GLCCI1: variants seen among roughly 807,000 people sequenced by gnomAD.
The protein encoded by GLCCI1 is glucocorticoid-induced transcript 1 protein.
A neutral mutation model predicts 52.2 loss-of-function variants in GLCCI1; 24 were observed. That is an observed-to-expected ratio of 0.46 (90% CI 0.33 to 0.65). The LOEUF is 0.65. Ranked by LOEUF, GLCCI1 falls within the 30% of genes least tolerant of loss-of-function variation. The probability of loss-of-function intolerance (pLI) is 0.02; values close to 1 mark genes in which losing one functional copy is unlikely to be tolerated. For synonymous variants in GLCCI1, 310 were observed against 276.5 expected (o/e 1.12, Z -1.20); for missense variants, 704 against 701.5 (o/e 1.00, Z -0.04).
chr7:7,990,632 T>A (rs1780821403), intron 1 of GLCCI1, among the ~76,000 whole-genome samples: 1 of 152,050 alleles, frequency 6.6e-6, no homozygotes, highest in African/African-American at 2.4e-5. Flanking sequence ...CTGTGTTGTG[T>A]TTTACTCGTG....
intron 1 of GLCCI1, among the ~76,000 whole-genome samples, chr7:7,986,481 C>G (rs1001673582): frequency 6.6e-6 from 1 of 151,826 alleles, no homozygotes; most frequent in Non-Finnish European, 1.5e-5. Flanking sequence ...GCCGAGATCA[C>G]ACCACTGCAC....
rs116842221 is a variant in GLCCI1 at position 8,059,206 on chromosome 7, A to G, written c.814-890A>G. On this transcript the variant is annotated intron_variant, in intron 4 of 7. Transcript: ENST00000223145. The stretch of plus-strand genomic sequence containing the variant: ...AAAAATACTGATAGTAATATATGAA[A>G]AAGAGTTAAAACCTCAATATGAGAA... Among the ~76,000 whole-genome samples, 169 of 152,314 alleles carry G rather than the reference A, an allele frequency of 1.1e-3. 3 individuals are homozygous for G. The East Asian group carries it at 0.031, about 28-fold the overall frequency.
chr7:8,082,959 CGTGATAA>C (rs1783028386), intron 6 of GLCCI1, among the ~76,000 whole-genome samples: 1 of 152,062 alleles, frequency 6.6e-6, no homozygotes, highest in South Asian at 2.1e-4. Context: ...ACTTTTCTTA[CGTGATAA>C]TAGAGTGGAT....
At chr7:8,027,685 A>C (rs1781651891) in intron 3 of GLCCI1, among the ~76,000 whole-genome samples, 2 of 144,766 alleles carry the variant, frequency 1.4e-5, no homozygotes, top group Non-Finnish European at 1.5e-5. Flanking sequence ...TGAATGGATG[A>C]AAAAAAAAAA....
At chr7:8,021,913 T>C (rs1781499354) in intron 2 of GLCCI1, among the ~76,000 whole-genome samples, 1 of 152,228 alleles carries the variant, frequency 6.6e-6, no homozygotes, top group African/African-American at 2.4e-5. Context: ...TCTGTTTATT[T>C]AGCTTATATT....
At chr7:7,991,979 G>C (rs1000820208) in intron 1 of GLCCI1, among the ~76,000 whole-genome samples, 11 of 151,788 alleles carry the variant, frequency 7.2e-5, no homozygotes, top group African/African-American at 2.7e-4. Context: ...GGTTACTTAG[G>C]GAGAAAACTT....
intron 6 of GLCCI1, among the ~76,000 whole-genome samples, chr7:8,079,292 TA>T (rs369658192): frequency 6.6e-6 from 1 of 151,802 alleles, no homozygotes. Flanking sequence ...TTTGTTTTTT[TA>T]AAAACTGATG....
At chr7:8,053,160 C>T (rs1782298349) in intron 3 of GLCCI1, among the ~76,000 whole-genome samples, 1 of 151,696 alleles carries the variant, frequency 6.6e-6, no homozygotes, top group Non-Finnish European at 1.5e-5. Flanking sequence ...AGGCCAGTTT[C>T]TGTTTTTTCT....
rs1005680862 is a variant in GLCCI1 at position 8,087,713 on chromosome 7, A to G, written c.*1175A>G. The G allele has an allele frequency of 4.0e-5, 6 of 150,546 alleles. No homozygotes were observed. The highest frequency in any genetic ancestry group is 1.5e-4 in the African/African-American group (6 of 40,638). The allele number at this position is 150,546 out of a possible 1,614,324, so 9.3% of individuals were successfully genotyped here. A position where few individuals can be genotyped will look rare whatever the true frequency, so the allele number is the denominator to read the frequency against. ...CATTTACATAGAATACTTGGGTCTC[A>G]GAATTGATGCAACATAAGCAGGTTT... On this transcript the variant is annotated 3_prime_UTR_variant, in exon 8 of 8. Coordinates refer to ENST00000223145, the MANE Select transcript of GLCCI1 (RefSeq NM_138426.4).
At chr7:8,051,059 A>T (rs1286244170) in intron 3 of GLCCI1, among the ~76,000 whole-genome samples, 1 of 152,208 alleles carries the variant, frequency 6.6e-6, no homozygotes, top group Non-Finnish European at 1.5e-5. Flanking sequence ...AATTACTCTT[A>T]ATAATTGCTG....
At chr7:8,043,480 T>C (rs1357186276) in intron 3 of GLCCI1, among the ~76,000 whole-genome samples, 1 of 152,170 alleles carries the variant, frequency 6.6e-6, no homozygotes, top group Non-Finnish European at 1.5e-5. Context: ...TGAGTAAGAC[T>C]ACATGTTATA....
At chr7:8,031,651 A>G (rs1257753020) in intron 3 of GLCCI1, among the ~76,000 whole-genome samples, 1 of 152,128 alleles carries the variant, frequency 6.6e-6, no homozygotes, top group Non-Finnish European at 1.5e-5. Context: ...AAAATATCTC[A>G]TGTGTCCCAT....
In GLCCI1 at chr7:8,084,917, T is replaced by C. The variant is rs200054018; in HGVS notation, c.1198T>C (p.Leu400=). Reference sequence around the variant, plus strand: ...TACAGACAGTGGGAGTAGCTCACCGTTACCCAAGTATGCTTCATCTCCCAA... The same window carrying C: ...TACAGACAGTGGGAGTAGCTCACCGCTACCCAAGTATGCTTCATCTCCCAA... ...RDKDSGSSSP[L]PKYASSPKPN... The change falls in exon 7 of 8, where the codon TTA becomes CTA. Residue 400 remains leucine, a synonymous_variant. Transcript: ENST00000223145. 1.2e-6 allele frequency: 2 copies of C among 1,614,112 alleles called. No individual in the cohort carries two copies. The highest frequency in any genetic ancestry group is 2.2e-5 in the East Asian group (1 of 44,878).
At chr7:8,054,114 A>G (rs766822555) in intron 3 of GLCCI1, among the ~76,000 whole-genome samples, 2 of 152,170 alleles carry the variant, frequency 1.3e-5, no homozygotes, top group African/African-American at 2.4e-5. Flanking sequence ...GCTCTTTCAT[A>G]TAAGCTCTTT....
intron 2 of GLCCI1, among the ~76,000 whole-genome samples, chr7:8,004,853 G>T (rs2041362): frequency 0.13 from 20,317 of 152,168 alleles, 1,516 homozygotes; most frequent in Admixed American, 0.19. Context: ...GGCTTTGTAG[G>T]TTAGGGAAAT....
At chr7:7,975,419 T>C (rs1780443374) in intron 1 of GLCCI1, among the ~76,000 whole-genome samples, 1 of 152,156 alleles carries the variant, frequency 6.6e-6, no homozygotes, top group Non-Finnish European at 1.5e-5. Flanking sequence ...AAACATATAT[T>C]TGTGTGCTAA....
At chr7:8,070,679 A>C (rs1050077589) in intron 5 of GLCCI1, 1 of 400,946 alleles carries the variant, frequency 2.5e-6, no homozygotes, top group East Asian at 4.9e-5. Flanking sequence ...GTGCTGACCT[A>C]CAGGTACATA....
intron 3 of GLCCI1, among the ~76,000 whole-genome samples, chr7:8,051,285 T>C (rs922568664): frequency 1.3e-5 from 2 of 152,250 alleles, no homozygotes; most frequent in African/African-American, 4.8e-5. Context: ...AGAGGTCTTC[T>C]ATTTTCCGGT....
intron 6 of GLCCI1, among the ~76,000 whole-genome samples, chr7:8,082,930 G>A (rs1279516169): frequency 6.6e-6 from 1 of 152,132 alleles, no homozygotes; most frequent in Non-Finnish European, 1.5e-5. Context: ...AAAGAACACA[G>A]AAGACTGTGG....
Sources: allele counts gnomAD v4.1 joint callset (sites outside exome capture counted in the v4.1 genomes callset), GRCh38; gene constraint gnomAD v4.1.1; transcripts MANE v1.5; gene names NCBI Gene and HGNC (gene_info 2026-07-23, HGNC 2026-07-21).